The following ATP11B variants were observed in gnomAD, a reference collection of about 807,000 sequenced individuals.
ATP11B encodes the protein ATPase phospholipid transporting 11B (putative).
A neutral mutation model predicts 157.8 loss-of-function variants in ATP11B; 81 were observed. That is an observed-to-expected ratio of 0.51 (90% confidence interval 0.43 to 0.62). The LOEUF (loss-of-function observed/expected upper bound fraction) is 0.62, where lower values mean the gene tolerates loss of function less well. ATP11B is among the 20% of genes least tolerant of loss of function. The pLI, the probability that ATP11B is intolerant of heterozygous loss-of-function variation, is 0.00. For missense variants in ATP11B, 1,165 were observed against 1,402.2 expected (o/e 0.83, Z 2.70); for synonymous variants, 451 against 469.4 (o/e 0.96, Z 0.51).
At chr3:182,800,481 G>A (rs1038894104) in intron 1 of ATP11B, among the ~76,000 whole-genome samples, 2 of 152,050 alleles carry the variant, frequency 1.3e-5, no homozygotes, top group Non-Finnish European at 2.9e-5. Context: ...TCCTGTCTCA[G>A]CCTCCCAAAG....
chr3:182,845,010 T>TTTTTTTTA (rs1560081901), intron 8 of ATP11B, among the ~76,000 whole-genome samples: 3 of 68,308 alleles, frequency 4.4e-5, no homozygotes, highest in African/African-American at 1.2e-4. Flanking sequence ...TTTTTTATTT[T>TTTTTTTTA]TTTTTATTTT....
In ATP11B at chr3:182,884,908, A is replaced by G; in HGVS notation, c.2655+10A>G. 6 of 1,330,094 alleles carry G rather than the reference A, an allele frequency of 4.5e-6. No homozygotes were observed. Among genetic ancestry groups the G allele is most frequent in the Non-Finnish European group, 6.2e-6 (6 of 965,286 alleles). The allele number at this position is 1,330,094 out of a possible 1,614,324, so 82.4% of individuals were successfully genotyped here. On this transcript the variant is annotated intron_variant, in intron 22 of 29. Transcript: ENST00000323116. ...GTATTTTTTTTATAAGGTGAGTTTCATGTATTTAGAATCAATTATTGATAT... is the reference window on the plus strand; with the variant it reads ...GTATTTTTTTTATAAGGTGAGTTTCGTGTATTTAGAATCAATTATTGATAT...
chr3:182,798,776 G>A (rs1715794997), intron 1 of ATP11B, among the ~76,000 whole-genome samples: 1 of 152,162 alleles, frequency 6.6e-6, no homozygotes, highest in African/African-American at 2.4e-5. Context: ...AATATGCAGT[G>A]GATCTTGAAG....
In ATP11B at chr3:182,913,909, T is replaced by C. The variant is rs1393661888; in HGVS notation, c.3367T>C (p.Phe1123Leu). 2 of 1,614,170 alleles carry C rather than the reference T, an allele frequency of 1.2e-6. No individual in the cohort carries two copies. Among genetic ancestry groups the C allele is most frequent in the Non-Finnish European group, 1.7e-6 (2 of 1,179,978 alleles). ...CAAGTGCTTGGACTCCATGTGCTGT[T>C]TCCCGGAAGGAGAAGCAGCGTGTGC... ...GIKCLDSMCC[F>L]PEGEAACASV... The change falls in exon 29 of 30, where the codon TTC (phenylalanine) becomes CTC (leucine). Residue 1123 changes from phenylalanine (F) to leucine (L), a missense_variant. Transcript: ENST00000323116.
intron 3 of ATP11B, among the ~76,000 whole-genome samples, chr3:182,829,131 A>G (rs1022031250): frequency 6.6e-6 from 1 of 152,192 alleles, no homozygotes; most frequent in Non-Finnish European, 1.5e-5. Context: ...TCCACGTAAC[A>G]TCCATACATT....
At chr3:182,857,367 T>C (rs1720484300) in intron 10 of ATP11B, among the ~76,000 whole-genome samples, 1 of 152,170 alleles carries the variant, frequency 6.6e-6, no homozygotes, top group South Asian at 2.1e-4. Flanking sequence ...CAGGATGGTC[T>C]CAATCTCCTG....
chr3:182,801,126 GT>G (rs1378054560), intron 1 of ATP11B, among the ~76,000 whole-genome samples: 1 of 152,120 alleles, frequency 6.6e-6, no homozygotes, highest in African/African-American at 2.4e-5. Flanking sequence ...TTAGCATGTA[GT>G]TTATCCTCCT....
intron 1 of ATP11B, among the ~76,000 whole-genome samples, chr3:182,794,328 G>GC (rs1201782575): frequency 6.6e-6 from 1 of 152,148 alleles, no homozygotes; most frequent in East Asian, 1.9e-4. Context: ...TAGGTGTCTA[G>GC]CCCCCTCAGC....
chr3:182,839,769 C>A (rs535389914), intron 7 of ATP11B, among the ~76,000 whole-genome samples: 1 of 152,116 alleles, frequency 6.6e-6, no homozygotes, highest in Admixed American at 6.5e-5. Flanking sequence ...TGCCACCACA[C>A]CCTGTTAATT....
chr3:182,822,154 A>T (rs1195710441), intron 2 of ATP11B, among the ~76,000 whole-genome samples: 3 of 151,662 alleles, frequency 2.0e-5, no homozygotes, highest in African/African-American at 4.9e-5. Context: ...GTTCTAGGGT[A>T]CATGTGCACA....
chr3:182,855,248 C>T (rs563871598), intron 10 of ATP11B, among the ~76,000 whole-genome samples: 1 of 152,224 alleles, frequency 6.6e-6, no homozygotes, highest in Admixed American at 6.5e-5. Context: ...AACAGACCAA[C>T]ACTAATAGGC....
intron 10 of ATP11B, among the ~76,000 whole-genome samples, chr3:182,855,216 G>A (rs1302843264): frequency 6.6e-6 from 1 of 152,168 alleles, no homozygotes; most frequent in Non-Finnish European, 1.5e-5. Flanking sequence ...ATAGATCAGT[G>A]TTACACAATA....
At chr3:182,803,128 G>A (rs1006421143) in intron 1 of ATP11B, among the ~76,000 whole-genome samples, 5 of 152,034 alleles carry the variant, frequency 3.3e-5, no homozygotes, top group Non-Finnish European at 7.4e-5. Context: ...GAATTGCTGG[G>A]TCATGGGTCA....
intron 8 of ATP11B, among the ~76,000 whole-genome samples, chr3:182,842,689 C>T (rs894810193): frequency 1.3e-5 from 2 of 152,112 alleles, no homozygotes; most frequent in Middle Eastern, 3.2e-3. Flanking sequence ...GAAGCCTGCT[C>T]CTGAGGCTGA....
intron 2 of ATP11B, 32 bp downstream of exon 2, chr3:182,820,408 G>A (rs780360646): frequency 9.2e-6 from 13 of 1,412,438 alleles, no homozygotes; most frequent in Non-Finnish European, 9.0e-6. Flanking sequence ...GTTAGGCCAG[G>A]TGCAGTGGCT....
At chr3:182,878,713 CCAT>C (rs977138339) in intron 19 of ATP11B, among the ~76,000 whole-genome samples, 1 of 152,166 alleles carries the variant, frequency 6.6e-6, no homozygotes, top group African/African-American at 2.4e-5. Flanking sequence ...GCATTACAAT[CCAT>C]CATCGGTTTC....
At chr3:182,814,040 G>A (rs1716827136) in intron 1 of ATP11B, among the ~76,000 whole-genome samples, 1 of 151,760 alleles carries the variant, frequency 6.6e-6, no homozygotes, top group Admixed American at 6.6e-5. Flanking sequence ...TTTATTTTTA[G>A]TGATATTTTA....
At chr3:182,866,929 A>AT (rs1205841472) in intron 14 of ATP11B, among the ~76,000 whole-genome samples, 2 of 94,304 alleles carry the variant, frequency 2.1e-5, no homozygotes, top group African/African-American at 5.8e-5. Context: ...AAATATATAT[A>AT]TATTTTTTTT....
intron 1 of ATP11B, among the ~76,000 whole-genome samples, chr3:182,803,936 T>G (rs1036853864): frequency 6.6e-6 from 1 of 152,234 alleles, no homozygotes; most frequent in African/African-American, 2.4e-5. Flanking sequence ...GTCTTAATTA[T>G]AGTATTTTAA....
Sources: allele counts gnomAD v4.1 joint callset (sites outside exome capture counted in the v4.1 genomes callset), GRCh38; gene constraint gnomAD v4.1.1; transcripts MANE v1.5; gene names NCBI Gene and HGNC (gene_info 2026-07-23, HGNC 2026-07-21).